Variants in RUVBL1 observed in about 807,000 individuals in gnomAD.
RUVBL1 encodes ruvB-like 1.
A neutral mutation model predicts 52.4 loss-of-function variants in RUVBL1; 4 were observed. The ratio of observed to expected loss-of-function variants is 0.08; its 90% CI spans 0.04 to 0.17. RUVBL1 has a LOEUF of 0.17. Ranked by LOEUF, RUVBL1 falls within the 10% of genes least tolerant of loss-of-function variation. The pLI is 1.00. For missense variants in RUVBL1, 298 were observed against 572.8 expected (o/e 0.52, Z 4.90); for synonymous variants, 217 against 214.4 (o/e 1.01, Z -0.10).
chr3:128,087,611 G>T, intron 9 of RUVBL1, 95 bp downstream of exon 9: 1 of 924,988 alleles, frequency 1.1e-6, no homozygotes, highest in Non-Finnish European at 1.7e-6. Flanking sequence ...GTGAATGGCA[G>T]CCAGATCCAA....
intron 4 of RUVBL1, among the ~76,000 whole-genome samples, chr3:128,104,123 C>T (rs1012260644): frequency 6.6e-5 from 10 of 152,204 alleles, no homozygotes; most frequent in African/African-American, 2.4e-4. Context: ...TCCTTAAGGA[C>T]TTAGACTCCA....
chr3:128,107,500 G>A (rs892323357), intron 3 of RUVBL1, among the ~76,000 whole-genome samples: 5 of 152,186 alleles, frequency 3.3e-5, no homozygotes, highest in African/African-American at 9.7e-5. Context: ...TGTCAGGTAC[G>A]CTCTGTAACT....
chr3:128,067,009 C>T lies in RUVBL1; in HGVS notation c.940-1789G>A. ...GCCCGCTACCGTGGCCAGTACAACA[C>T]CTATCCCATCAAGCTCTTCTATACG... On this transcript the variant is annotated intron_variant, in intron 9 of 9. Coordinates refer to the RUVBL1 transcript ENST00000464873. This position sits in a 1 kb window ranked among gnomAD's most constrained non-coding sequence, Gnocchi z 4.1. The T allele has an allele frequency of 6.2e-7, 1 of 1,614,198 alleles. No homozygotes were observed. Among genetic ancestry groups the T allele is most frequent in the Non-Finnish European group, 8.5e-7 (1 of 1,180,034 alleles).
At chr3:128,128,161 T>C (rs1943823809), upstream of RUVBL1, among the ~76,000 whole-genome samples, 1 of 152,112 alleles carries the variant, frequency 6.6e-6, no homozygotes, top group Non-Finnish European at 1.5e-5. Context: ...ATTTTTTCTA[T>C]TTTTTTGTAA....
chr3:128,074,415 G>T (rs930840390), intron 9 of RUVBL1, among the ~76,000 whole-genome samples: 5 of 151,832 alleles, frequency 3.3e-5, no homozygotes, highest in African/African-American at 1.2e-4. Context: ...TGCCTCTAGT[G>T]TGTTAGAGAT....
intron 1 of RUVBL1, among the ~76,000 whole-genome samples, chr3:128,129,076 T>A (rs1209171738): frequency 6.6e-6 from 1 of 152,198 alleles, no homozygotes; most frequent in Non-Finnish European, 1.5e-5. Context: ...TCTTGCCAAG[T>A]GCCCCCCTTT....
chr3:128,143,044 G>C (rs928083788), intron 1 of RUVBL1, among the ~76,000 whole-genome samples: 1 of 151,628 alleles, frequency 6.6e-6, no homozygotes. Context: ...GCCTCCCAAA[G>C]TTCTGGGGTG....
chr3:128,073,138 T>C (rs1230941665), intron 9 of RUVBL1, among the ~76,000 whole-genome samples: 1 of 152,172 alleles, frequency 6.6e-6, no homozygotes, highest in Non-Finnish European at 1.5e-5. Flanking sequence ...TCCAAGTCCC[T>C]GTCTGGCTGC....
chr3:128,070,767 G>T (rs774100458), intron 9 of RUVBL1: 1 of 151,852 alleles, frequency 6.6e-6, no homozygotes, highest in African/African-American at 2.4e-5. Context: ...AGTTGCTCCA[G>T]TGTTTGAAAT....
At chr3:128,149,998 G>A (rs1944162765) in intron 1 of RUVBL1, among the ~76,000 whole-genome samples, 1 of 152,204 alleles carries the variant, frequency 6.6e-6, no homozygotes, top group Non-Finnish European at 1.5e-5. Context: ...ACATGGCTTA[G>A]GTTGCTGCTG....
downstream of RUVBL1, among the ~76,000 whole-genome samples, chr3:128,077,864 A>G (rs1318207122): frequency 6.6e-6 from 1 of 152,214 alleles, no homozygotes; most frequent in Non-Finnish European, 1.5e-5. Context: ...GCCAGGAATC[A>G]GGAACTCTTT....
At chr3:128,134,511 G>T (rs1190531166) in intron 1 of RUVBL1, among the ~76,000 whole-genome samples, 1 of 149,470 alleles carries the variant, frequency 6.7e-6, no homozygotes, top group Non-Finnish European at 1.5e-5. Flanking sequence ...AGGTGGCCAG[G>T]CATGGTGGCT....
chr3:128,068,408 C>G (rs1942049149), intron 9 of RUVBL1, among the ~76,000 whole-genome samples: 2 of 152,146 alleles, frequency 1.3e-5, no homozygotes, highest in Admixed American at 1.3e-4. Flanking sequence ...CTGAAGAGAG[C>G]GCCCTGGAGG....
Position 128,096,823 on chromosome 3 carries a change from TC to T in RUVBL1, c.1016+476del, listed in dbSNP as rs201708297. Among the ~76,000 whole-genome samples the T allele has an allele frequency of 2.1e-3, 312 of 149,322 alleles. 2 individuals carry two copies. The highest frequency in any genetic ancestry group is 6.7e-3 in the African/African-American group (272 of 40,472). On this transcript the variant is annotated intron_variant, in intron 8 of 10. Coordinates refer to ENST00000322623, the MANE Select transcript of RUVBL1 (RefSeq NM_003707.3). ...GCCTGGGCGACACAGTGAGACTCTG[TC>T]CCCAAAAAAAAAAAGAAAGAAAATG...
intron 8 of RUVBL1, among the ~76,000 whole-genome samples, chr3:128,088,239 G>A (rs1036513492): frequency 6.7e-6 from 1 of 150,294 alleles, no homozygotes; most frequent in African/African-American, 2.5e-5. Flanking sequence ...TCCACCCTGG[G>A]TGACAGAGTG....
intron 9 of RUVBL1, among the ~76,000 whole-genome samples, chr3:128,072,916 G>T (rs1415147323): frequency 1.3e-5 from 2 of 151,926 alleles, no homozygotes; most frequent in South Asian, 2.1e-4. Context: ...GCACAGTGAT[G>T]GGGGGGTAAG....
At chr3:128,095,003 T>C (rs1942937156) in intron 8 of RUVBL1, among the ~76,000 whole-genome samples, 2 of 152,226 alleles carry the variant, frequency 1.3e-5, no homozygotes, top group Admixed American at 1.3e-4. Context: ...TGCCTAAAAA[T>C]CCATGTTCTG....
Position 128,081,313 on chromosome 3 carries a change from A to G in RUVBL1, c.1308T>C (p.Leu436=), listed in dbSNP as rs890597585. 4.3e-6 allele frequency: 7 copies of G among 1,614,046 alleles called. No homozygotes were observed. The highest frequency in any genetic ancestry group is 2.2e-5 in the East Asian group (1 of 44,888). ...EKEHVEEISE[L]FYDAKSSAKI... The stretch of plus-strand genomic sequence containing the variant: ...TGGCGGAGGACTTGGCATCATAGAA[A>G]AGTTCACTGATCTCTTCGACATGCT... The change falls in exon 11 of 11, where the codon CTT becomes CTC. Residue 436 remains leucine (L), a synonymous_variant. Coordinates refer to ENST00000322623, the MANE Select transcript of RUVBL1 (RefSeq NM_003707.3). This position sits in a 1 kb window ranked among gnomAD's most constrained non-coding sequence, Gnocchi z 4.8.
chr3:128,117,616 G>GT lies in RUVBL1; in HGVS notation c.228+1711dup, dbSNP rs772377287. ...AGAGATTAACGCTGACAGTTTTTTT[G>GT]TTTTTTTTTTTTTTGAGACGTAGTC... On this transcript the variant is annotated intron_variant, in intron 2 of 10. Transcript: ENST00000322623. 8.3e-3 allele frequency among the ~76,000 whole-genome samples: 1,169 copies of GT among 140,632 alleles called. 3 individuals carry two copies. The highest frequency in any genetic ancestry group is 0.017 in the South Asian group (76 of 4,382). The allele number at this position is 140,632 out of a possible 152,430, so 92.3% of individuals were successfully genotyped here. A position where few individuals can be genotyped will look rare whatever the true frequency, so the allele number is the denominator to read the frequency against.
Sources: gnomAD v4.1 joint callset for allele counts (sites outside exome capture counted in the v4.1 genomes callset) on GRCh38, gnomAD v4.1.1 for gene constraint, Gnocchi (gnomAD v3.1) non-coding constraint, MANE v1.5 for transcripts, NCBI Gene and HGNC (gene_info 2026-07-23, HGNC 2026-07-21) for gene names.